Variants in ILKAP observed in about 807,000 individuals in gnomAD.
ILKAP encodes the protein integrin-linked kinase-associated serine/threonine phosphatase 2C.
A neutral mutation model predicts 49.1 loss-of-function variants in ILKAP; 11 were observed. The observed-to-expected ratio is 0.22, with a 90% CI of 0.14 to 0.37. The LOEUF (loss-of-function observed/expected upper bound fraction) is 0.37. ILKAP is among the 10% of genes least tolerant of loss of function. ILKAP has a pLI of 1.00. For missense variants in ILKAP, 363 were observed against 510.8 expected (o/e 0.71, Z 2.79); for synonymous variants, 186 against 192.8 (o/e 0.96, Z 0.29).
At chr2:238,183,960 A>C in intron 7 of ILKAP, 60 bp downstream of exon 7, 1 of 1,137,164 alleles carries the variant, frequency 8.8e-7, no homozygotes, top group Non-Finnish European at 1.3e-6. Flanking sequence ...GAAGACTGAA[A>C]TGCATTTAGG....
intron 2 of ILKAP, 39 bp from the exon 3 acceptor site, chr2:238,194,370 T>C (rs765115099): frequency 6.3e-7 from 1 of 1,593,748 alleles, no homozygotes; most frequent in Non-Finnish European, 8.6e-7. Flanking sequence ...CCACAAAAAA[T>C]ATGTAAGACT....
chr2:238,195,333 T>C (rs1341725460), intron 1 of ILKAP, among the ~76,000 whole-genome samples: 7 of 152,154 alleles, frequency 4.6e-5, no homozygotes, highest in African/African-American at 1.7e-4. Context: ...AAAAATCCTA[T>C]TTCGGTAACA....
At position 238,170,537 on chromosome 2, in the gene ILKAP, C is replaced by A. The variant is rs767474045; in HGVS notation, c.1178G>T (p.Ter393LeuextTer12). Residue 393 changes from the stop codon to leucine (L), a stop_lost, in exon 12 of 12, where the codon TGA becomes TTA. Transcript: ENST00000254654. Reference sequence around the variant, plus strand: ...GTGCTCCTGGCCGCGCGCCACCCCTCAGTGCCCTATCCGCACCACCATCAC... The same window carrying A: ...GTGCTCCTGGCCGCGCGCCACCCCTAAGTGCCCTATCCGCACCACCATCAC... ...VTVMVVRIGH[*>L] 4.4e-6 allele frequency: 7 copies of A among 1,596,692 alleles called. No individual in the cohort carries two copies. The highest frequency in any genetic ancestry group is 6.0e-6 in the Non-Finnish European group (7 of 1,167,318).
chr2:238,202,089 G>A (rs1694593628), intron 1 of ILKAP, among the ~76,000 whole-genome samples: 1 of 152,176 alleles, frequency 6.6e-6, no homozygotes, highest in Non-Finnish European at 1.5e-5. Context: ...GCCGGGTGTG[G>A]TGGTCGGCGC....
rs531457951 is a variant in ILKAP at position 238,191,279 on chromosome 2, G to A, written c.179-1307C>T. ...TTCTCCTGTCTCAGCCTACAGGAGT[G>A]CACCATCACACCCAGCTAATTTTTG... On this transcript the variant is annotated intron_variant, in intron 3 of 11. Transcript: ENST00000254654. 2.5e-4 allele frequency among the ~76,000 whole-genome samples: 38 copies of A among 152,066 alleles called. No individual in the cohort carries two copies. The South Asian group carries it at 7.7e-3, about 31-fold the overall frequency.
At chr2:238,170,891 GAAA>G in intron 11 of ILKAP, 49 bp downstream of exon 11, 9 of 1,552,782 alleles carry the variant, frequency 5.8e-6, no homozygotes, top group Non-Finnish European at 8.0e-6. Flanking sequence ...CTACTTCTCT[GAAA>G]ACTAAGACAC....
rs569420865 is a variant in ILKAP at position 238,187,814 on chromosome 2, G to A, written c.425+317C>T. Among the ~76,000 whole-genome samples the A allele has an allele frequency of 2.6e-5, 4 of 152,280 alleles. No homozygotes were observed. The East Asian group carries it at 7.7e-4, about 29-fold the overall frequency. ...CCGCTCAGCAGGGCTGCTCAACCGC[G>A]ACACTACTGACATTCCAGGCTGAAC... On this transcript the variant is annotated intron_variant, in intron 5 of 11. Transcript: ENST00000254654.
At chr2:238,193,576 A>G (rs1694230028) in intron 3 of ILKAP, among the ~76,000 whole-genome samples, 1 of 152,254 alleles carries the variant, frequency 6.6e-6, no homozygotes, top group East Asian at 1.9e-4. Context: ...GGAAGGTTTC[A>G]GGCCACACTG....
At chr2:238,170,922 C>G (rs1239720484) in intron 11 of ILKAP, 21 bp downstream of exon 11, 1 of 1,604,022 alleles carries the variant, frequency 6.2e-7, no homozygotes, top group Admixed American at 1.7e-5. Flanking sequence ...ACAACCACCA[C>G]CCCCGTGTGA....
chr2:238,170,570 TTGTC>T lies in ILKAP; in HGVS notation c.1141_1144del (p.Asp381ThrfsTer4). 6.2e-7 allele frequency: 1 copy of T among 1,607,170 alleles called. No homozygotes were observed. The highest frequency in any genetic ancestry group is 8.5e-7 in the Non-Finnish European group (1 of 1,174,774). On this transcript the variant is annotated frameshift_variant, in exon 12 of 12. Coordinates refer to ENST00000254654, the MANE Select transcript of ILKAP (RefSeq NM_030768.3). LOFTEE classifies it high-confidence loss of function. ...TATCCGCACCACCATCACAGTGACG[TTGTC>T]GGCCGAGCCCCGCTGCACCGCCTTG...
chr2:238,183,854 T>C (rs1693793992), intron 7 of ILKAP, 114 bp from the exon 8 acceptor site: 3 of 992,688 alleles, frequency 3.0e-6, no homozygotes, highest in Non-Finnish European at 4.6e-6. Context: ...ATTTCCTTGA[T>C]ACTTGCTTTT....
chr2:238,193,026 T>C (rs933945335), intron 3 of ILKAP, among the ~76,000 whole-genome samples: 1 of 149,998 alleles, frequency 6.7e-6, no homozygotes, highest in Non-Finnish European at 1.5e-5. Flanking sequence ...AAAAAAAAAA[T>C]GTGTTAACTT....
rs754454446 is a variant in ILKAP at position 238,189,933 on chromosome 2, T to C, written c.218A>G (p.Glu73Gly). 1 of 1,614,024 alleles carries C rather than the reference T, an allele frequency of 6.2e-7. No homozygotes were observed. Among genetic ancestry groups the C allele is most frequent in the Non-Finnish European group, 8.5e-7 (1 of 1,179,890 alleles). Residue 73 changes from glutamate (E) to glycine (G), a missense_variant, in exon 4 of 12, where the codon GAA becomes GGA. By Grantham distance (98) the Glu-to-Gly change is moderately conservative (BLOSUM62 -2). Around this residue, in one of 3 missense-constraint regions of ILKAP, gnomAD observed 114 missense variants for 116.0 expected, o/e 0.98. Coordinates refer to ENST00000254654, the MANE Select transcript of ILKAP (RefSeq NM_030768.3). ...ATSISQMVKT[E>G]GKGAKRKTSE... is the part of the protein sequence containing the mutation. ...GGTTTTTCTCTTTGCTCCTTTCCCTTCAGTCTTTACCATCTGGGATATTGA... is the reference window on the plus strand; with the variant it reads ...GGTTTTTCTCTTTGCTCCTTTCCCTCCAGTCTTTACCATCTGGGATATTGA...
At chr2:238,173,494 C>A in intron 10 of ILKAP, 40 bp downstream of exon 10, 24 of 1,594,204 alleles carry the variant, frequency 1.5e-5, no homozygotes, top group Non-Finnish European at 2.0e-5. Flanking sequence ...GAAATAAACC[C>A]ACATGCACAC....
intron 9 of ILKAP, among the ~76,000 whole-genome samples, chr2:238,175,645 T>C (rs889178787): frequency 6.6e-6 from 1 of 152,134 alleles, no homozygotes; most frequent in African/African-American, 2.4e-5. Flanking sequence ...CAAGGGTAAA[T>C]CCATGCCACC....
chr2:238,177,607 G>T (rs1376454036), intron 9 of ILKAP, among the ~76,000 whole-genome samples: 2 of 152,116 alleles, frequency 1.3e-5, no homozygotes, highest in South Asian at 2.1e-4. Flanking sequence ...CTTTTACTTA[G>T]CATAAAGTCC....
chr2:238,184,261 C>T, intron 6 of ILKAP, 148 bp from the exon 7 acceptor site: 1 of 600,102 alleles, frequency 1.7e-6, no homozygotes, highest in South Asian at 1.9e-5. Flanking sequence ...GCGATCTCAG[C>T]TCACTGCAAC....
chr2:238,188,375 GCAAA>G lies in ILKAP; in HGVS notation c.299-122_299-119del. 3 of 1,247,088 alleles carry G rather than the reference GCAAA, an allele frequency of 2.4e-6. No individual in the cohort carries two copies. The South Asian group carries it at 4.5e-5, about 19-fold the overall frequency. The allele number at this position is 1,247,088 out of a possible 1,614,324, so 77.3% of individuals were successfully genotyped here. On this transcript the variant is annotated intron_variant, in intron 4 of 11. Coordinates refer to ENST00000254654, the MANE Select transcript of ILKAP (RefSeq NM_030768.3). ...TCTGACTCAGCAATATCCTAATGGC[GCAAA>G]CAAATAAGCAATACCCCTTAAGGCA...
chr2:238,192,495 G>A (rs1040232313), intron 3 of ILKAP, among the ~76,000 whole-genome samples: 1 of 151,374 alleles, frequency 6.6e-6, no homozygotes, highest in Non-Finnish European at 1.5e-5. Flanking sequence ...GTCAGGAGAT[G>A]GAAACCATCC....
Sources: gnomAD v4.1 joint callset for allele counts (sites outside exome capture counted in the v4.1 genomes callset) on GRCh38, gnomAD v4.1.1 for gene constraint, gnomAD v4.1.1 regional missense constraint, MANE v1.5 for transcripts, NCBI Gene and HGNC (gene_info 2026-07-23, HGNC 2026-07-21) for gene names.